Variants in FRMD3 observed in about 807,000 individuals in gnomAD.
FRMD3 encodes FERM domain containing 3.
FRMD3 carries 33 observed loss-of-function variants against 70.2 expected under a neutral mutation model. That is an observed-to-expected ratio of 0.47 (90% confidence interval 0.36 to 0.63). FRMD3 has a LOEUF of 0.63. FRMD3 is among the 20% of genes least tolerant of loss of function. The pLI is 0.00. For synonymous variants in FRMD3, 279 were observed against 255.9 expected, an observed-to-expected ratio of 1.09 and a Z score of -0.86; for missense variants, 632 against 711.4, an observed-to-expected ratio of 0.89 and a Z score of 1.27.
At chr9:83,567,297 G>T in the FRMD3 span, among the ~76,000 whole-genome samples, 1 of 152,226 alleles carries the variant, frequency 6.6e-6, no homozygotes, top group Non-Finnish European at 1.5e-5. Context: ...GCTGCACCAA[G>T]TCCCTAGGCT....
chr9:83,434,161 A>G (rs1230956989), intron 1 of FRMD3, among the ~76,000 whole-genome samples: 1 of 152,130 alleles, frequency 6.6e-6, no homozygotes, highest in African/African-American at 2.4e-5. Flanking sequence ...ATTCTCCCCA[A>G]ACTAAAAAAT....
chr9:83,295,480 A>G (rs1346470695), intron 12 of FRMD3, among the ~76,000 whole-genome samples: 2 of 152,178 alleles, frequency 1.3e-5, no homozygotes, highest in Non-Finnish European at 2.9e-5. Context: ...TGGTAGTAAT[A>G]TTATCAACAC....
intron 1 of FRMD3, among the ~76,000 whole-genome samples, chr9:83,522,870 T>C (rs575892373): frequency 6.6e-6 from 1 of 152,240 alleles, no homozygotes; most frequent in South Asian, 2.1e-4. Flanking sequence ...GCCCGATATA[T>C]TTTTTAAAGT....
At chr9:83,311,472 G>GA (rs1301770411) in intron 8 of FRMD3, among the ~76,000 whole-genome samples, 1 of 152,122 alleles carries the variant, frequency 6.6e-6, no homozygotes, top group African/African-American at 2.4e-5. Context: ...GGATACACTG[G>GA]ATAACAAAGG....
chr9:83,570,962 G>A, the FRMD3 span, among the ~76,000 whole-genome samples: 3 of 152,186 alleles, frequency 2.0e-5, no homozygotes, highest in African/African-American at 4.8e-5. Flanking sequence ...AAATGACTCT[G>A]CTATGTTTTG....
At chr9:83,365,240 C>T (rs1332716233) in intron 3 of FRMD3, among the ~76,000 whole-genome samples, 1 of 152,062 alleles carries the variant, frequency 6.6e-6, no homozygotes, top group Non-Finnish European at 1.5e-5. Context: ...ATATTAATTT[C>T]CAAAGAACTG....
intron 1 of FRMD3, among the ~76,000 whole-genome samples, chr9:83,480,834 A>G (rs1235957722): frequency 2.0e-5 from 3 of 152,206 alleles, no homozygotes; most frequent in Non-Finnish European, 4.4e-5. Context: ...ATGCAGATAC[A>G]ACCTATTTTA....
intron 6 of FRMD3, among the ~76,000 whole-genome samples, chr9:83,327,808 GT>G (rs1836079489): frequency 6.6e-6 from 1 of 152,196 alleles, no homozygotes; most frequent in South Asian, 2.1e-4. Context: ...GCTTGTTGGT[GT>G]TATTTTGGTG....
At position 83,248,316 on chromosome 9, in the gene FRMD3, G is replaced by C; in HGVS notation, c.1396C>G (p.Leu466Val). The C allele has an allele frequency of 6.2e-7, 1 of 1,614,196 alleles. No individual in the cohort carries two copies. The highest frequency in any genetic ancestry group is 8.5e-7 in the Non-Finnish European group (1 of 1,180,030). The change falls in exon 14 of 14, where the codon CTC becomes GTC. Residue 466 changes from leucine to valine, a missense_variant. Coordinates refer to ENST00000304195, the MANE Select transcript of FRMD3 (RefSeq NM_174938.6). ...TPVDDDEIDM[L>V]FDCPSRLELE... ...TCAAGCCTAGAAGGACAGTCAAAGAGCATGTCAATCTCATCGTCATCCACA... is the reference window on the plus strand; with the variant it reads ...TCAAGCCTAGAAGGACAGTCAAAGACCATGTCAATCTCATCGTCATCCACA...
the FRMD3 span, among the ~76,000 whole-genome samples, chr9:83,582,320 G>T: frequency 2.0e-5 from 3 of 152,158 alleles, no homozygotes; most frequent in Non-Finnish European, 4.4e-5. Context: ...TTAGTGAAAA[G>T]ATATTCAGTG....
At chr9:83,421,023 C>T (rs2131358770) in intron 1 of FRMD3, among the ~76,000 whole-genome samples, 1 of 145,480 alleles carries the variant, frequency 6.9e-6, no homozygotes, top group African/African-American at 2.6e-5. Flanking sequence ...TCACTGCAAG[C>T]TCCGCCTCCC....
At chr9:83,313,607 C>A in intron 7 of FRMD3, 53 bp downstream of exon 7, 2 of 1,423,820 alleles carry the variant, frequency 1.4e-6, no homozygotes, top group African/African-American at 1.4e-5. Context: ...CAGATAAACT[C>A]TCTTTTGGGC....
chr9:83,368,254 A>G (rs770236129), intron 3 of FRMD3, among the ~76,000 whole-genome samples: 14 of 152,196 alleles, frequency 9.2e-5, no homozygotes, highest in African/African-American at 3.1e-4. Flanking sequence ...ATGAAAATCT[A>G]TATGAGCAAA....
chr9:83,449,419 C>T (rs1330043385), intron 1 of FRMD3, among the ~76,000 whole-genome samples: 1 of 152,184 alleles, frequency 6.6e-6, no homozygotes, highest in Non-Finnish European at 1.5e-5. Flanking sequence ...ATCACATAAG[C>T]TTCCTGGTTG....
intron 2 of FRMD3, among the ~76,000 whole-genome samples, chr9:83,380,245 T>C (rs1282481722): frequency 6.6e-6 from 1 of 152,206 alleles, no homozygotes; most frequent in African/African-American, 2.4e-5. Context: ...AGACTTTTCT[T>C]AGAACAAATT....
chr9:83,482,513 A>G (rs1393561332), intron 1 of FRMD3, among the ~76,000 whole-genome samples: 1 of 152,206 alleles, frequency 6.6e-6, no homozygotes, highest in African/African-American at 2.4e-5. Context: ...AAATTCTGCT[A>G]GGTTTAGGGG....
chr9:83,583,228 C>CA, the FRMD3 span, among the ~76,000 whole-genome samples: 2 of 152,004 alleles, frequency 1.3e-5, no homozygotes, highest in African/African-American at 4.8e-5. Flanking sequence ...TAAGTTGCTT[C>CA]AAAAAAATAA....
intron 13 of FRMD3, among the ~76,000 whole-genome samples, chr9:83,252,709 G>A (rs1832487901): frequency 6.6e-6 from 1 of 151,998 alleles, no homozygotes; most frequent in Non-Finnish European, 1.5e-5. Context: ...AAAAAAGCAG[G>A]GGTTGCAATC....
At chr9:83,270,332 A>G (rs191684963) in intron 13 of FRMD3, among the ~76,000 whole-genome samples, 1 of 152,214 alleles carries the variant, frequency 6.6e-6, no homozygotes, top group African/African-American at 2.4e-5. Flanking sequence ...GCATTCAGTG[A>G]TAAGAACTGT....
Sources: gnomAD v4.1 joint callset for allele counts (sites outside exome capture counted in the v4.1 genomes callset) on GRCh38, gnomAD v4.1.1 for gene constraint, MANE v1.5 for transcripts, NCBI Gene and HGNC (gene_info 2026-07-23, HGNC 2026-07-21) for gene names.